The following KAZN variants were observed in gnomAD, a reference collection of about 807,000 sequenced individuals.
KAZN encodes the protein kazrin, periplakin interacting protein.
A neutral mutation model predicts 87.4 loss-of-function variants in KAZN; 40 were observed. That is an observed-to-expected ratio of 0.46 (90% CI 0.36 to 0.60). The LOEUF is 0.60. KAZN is among the 20% of genes least tolerant of loss of function. The probability of loss-of-function intolerance (pLI) is 0.00; values close to 1 mark genes in which losing one functional copy is unlikely to be tolerated. For missense variants in KAZN, 898 were observed against 1,073.9 expected, an observed-to-expected ratio of 0.84 and a Z score of 2.29; for synonymous variants, 466 against 458.3, an observed-to-expected ratio of 1.02 and a Z score of -0.22.
rs573194482 is a variant in KAZN at position 14,262,887 on chromosome 1, C to G, written c.249+82295C>G. On this transcript the variant is annotated intron_variant, in intron 2 of 16. Transcript: ENST00000636203. Reference sequence around the variant, plus strand: ...GTTGAGAGAGGGGTGTTTTATTCCCCTTTAAAATCAGAGTGGAAATTTACT... The same window carrying G: ...GTTGAGAGAGGGGTGTTTTATTCCCGTTTAAAATCAGAGTGGAAATTTACT... Among the ~76,000 whole-genome samples the G allele has an allele frequency of 3.3e-5, 5 of 152,292 alleles. No individual in the cohort carries two copies. The East Asian group carries it at 7.7e-4, about 24-fold the overall frequency.
At chr1:14,330,738 A>T (rs1033090612) in intron 2 of KAZN, among the ~76,000 whole-genome samples, 3 of 152,136 alleles carry the variant, frequency 2.0e-5, no homozygotes, top group African/African-American at 7.2e-5. Context: ...GGAAAAAAAA[A>T]ATTCTAAGCA....
At chr1:14,075,428 G>A (rs753168399) in intron 1 of KAZN, among the ~76,000 whole-genome samples, 1 of 152,040 alleles carries the variant, frequency 6.6e-6, no homozygotes, top group Non-Finnish European at 1.5e-5. Context: ...TCTTTAGAAG[G>A]TGTATTAATC....
chr1:14,683,951 T>C (rs4661513), intron 1 of KAZN, among the ~76,000 whole-genome samples: 76,114 of 152,066 alleles, frequency 0.5, 19,216 homozygotes, highest in South Asian at 0.61. Context: ...ATTTTTCTTA[T>C]GCACTGGAGT....
At chr1:14,324,241 G>A (rs2100848315) in intron 2 of KAZN, among the ~76,000 whole-genome samples, 2 of 152,286 alleles carry the variant, frequency 1.3e-5, no homozygotes, top group Middle Eastern at 3.4e-3. Flanking sequence ...GCTGTTTGGT[G>A]AATTAGTGCC....
At chr1:14,472,035 T>C (rs1668483117) in intron 2 of KAZN, among the ~76,000 whole-genome samples, 1 of 152,158 alleles carries the variant, frequency 6.6e-6, no homozygotes, top group African/African-American at 2.4e-5. Context: ...CGATTCAGTG[T>C]CTGGTGAGGG....
chr1:14,261,348 C>T (rs1173381746), intron 2 of KAZN, among the ~76,000 whole-genome samples: 2 of 152,196 alleles, frequency 1.3e-5, no homozygotes, highest in Non-Finnish European at 2.9e-5. Flanking sequence ...CAGGAAATTT[C>T]AGCTCTGATC....
At chr1:13,897,889 G>A (rs1408483615) in intron 1 of KAZN, among the ~76,000 whole-genome samples, 2 of 152,134 alleles carry the variant, frequency 1.3e-5, no homozygotes, top group African/African-American at 4.8e-5. Flanking sequence ...ATAGTCCTGT[G>A]AGGAAGTTCA....
chr1:14,211,049 A>G (rs1646843185), intron 2 of KAZN, among the ~76,000 whole-genome samples: 1 of 152,106 alleles, frequency 6.6e-6, no homozygotes, highest in Admixed American at 6.5e-5. Flanking sequence ...GATTTGGGAG[A>G]CACACAGGAG....
chr1:14,716,310 C>T (rs1424649511), intron 1 of KAZN, among the ~76,000 whole-genome samples: 2 of 152,118 alleles, frequency 1.3e-5, no homozygotes, highest in African/African-American at 2.4e-5. Flanking sequence ...AGACATTTAT[C>T]GTTCAGGCAA....
chr1:15,106,752 A>C (rs1270890236), intron 13 of KAZN, among the ~76,000 whole-genome samples: 1 of 152,078 alleles, frequency 6.6e-6, no homozygotes, highest in African/African-American at 2.4e-5. Context: ...ACATGACCCA[A>C]AGGCGCCAAG....
intron 1 of KAZN, among the ~76,000 whole-genome samples, chr1:14,679,946 G>A (rs1259486485): frequency 6.6e-6 from 1 of 152,134 alleles, no homozygotes; most frequent in African/African-American, 2.4e-5. Context: ...AGGATGCAGT[G>A]AGGAAGGAAA....
At chr1:14,219,348 G>T (rs1403881810) in intron 2 of KAZN, among the ~76,000 whole-genome samples, 2 of 152,036 alleles carry the variant, frequency 1.3e-5, no homozygotes, top group African/African-American at 4.8e-5. Flanking sequence ...TCTTTGTCTT[G>T]ATTTGGGTCA....
intron 1 of KAZN, among the ~76,000 whole-genome samples, chr1:14,121,252 A>G (rs936983474): frequency 1.3e-5 from 2 of 152,238 alleles, no homozygotes; most frequent in African/African-American, 2.4e-5. Context: ...AAGGTGTGAT[A>G]TGCAAACCTT....
intron 1 of KAZN, among the ~76,000 whole-genome samples, chr1:14,136,015 C>A (rs4661475): frequency 7.4e-4 from 113 of 151,976 alleles, no homozygotes; most frequent in African/African-American, 2.6e-3. Context: ...TTACTGGCTC[C>A]CAAGCAGTGA....
chr1:14,846,931 C>T lies in KAZN; in HGVS notation c.227-113753C>T, dbSNP rs190744896. On this transcript the variant is annotated intron_variant, in intron 1 of 14. Coordinates refer to ENST00000376030, the MANE Select transcript of KAZN (RefSeq NM_201628.3). ...GTGAACCCGGGTCTGGCTGACACCA[C>T]AGCCCCTGGCAGGGAGCGAGGGGCA... Among the ~76,000 whole-genome samples, 27 of 152,294 alleles carry T rather than the reference C, an allele frequency of 1.8e-4. No homozygotes were observed. The East Asian group carries it at 4.8e-3, about 27-fold the overall frequency.
chr1:14,625,990 C>T lies in KAZN; in HGVS notation c.226+26767C>T, dbSNP rs1679114491. On this transcript the variant is annotated intron_variant, in intron 1 of 14. Coordinates refer to ENST00000376030, the MANE Select transcript of KAZN (RefSeq NM_201628.3). ...GGATTCTGAGGGATATTTGATATGT[C>T]GTGCAGATTTATATCTAGAAGCTCT... Among the ~76,000 whole-genome samples, 8 of 152,286 alleles carry T rather than the reference C, an allele frequency of 5.3e-5. No homozygotes were observed. The South Asian group carries it at 1.7e-3, about 32-fold the overall frequency.
At chr1:14,527,505 T>C (rs937427442) in intron 2 of KAZN, among the ~76,000 whole-genome samples, 2 of 145,754 alleles carry the variant, frequency 1.4e-5, no homozygotes, top group Non-Finnish European at 3.0e-5. Flanking sequence ...GCTGAGACCA[T>C]GCCATTGCAC....
intron 1 of KAZN, among the ~76,000 whole-genome samples, chr1:14,855,343 C>T (rs1649962978): frequency 6.6e-6 from 1 of 152,200 alleles, no homozygotes; most frequent in African/African-American, 2.4e-5. Context: ...AATTTGCACC[C>T]TGCATGAAAG....
intron 1 of KAZN, among the ~76,000 whole-genome samples, chr1:14,170,522 T>A (rs530916720): frequency 6.6e-6 from 1 of 152,236 alleles, no homozygotes; most frequent in East Asian, 1.9e-4. Context: ...TTAAAAAAAA[T>A]TGCGGTAAAA....
Sources: allele counts gnomAD v4.1 joint callset (sites outside exome capture counted in the v4.1 genomes callset), GRCh38; gene constraint gnomAD v4.1.1; transcripts MANE v1.5; gene names NCBI Gene and HGNC (gene_info 2026-07-23, HGNC 2026-07-21).